Variants in YAP1 observed in about 807,000 individuals in gnomAD.
YAP1 encodes transcriptional coactivator YAP1.
YAP1 carries 5 observed loss-of-function variants against 56.9 expected under a neutral mutation model. The observed-to-expected ratio is 0.09, with a 90% CI of 0.05 to 0.18. The LOEUF is 0.18. YAP1 is among the 10% of genes least tolerant of loss of function. The pLI is 1.00. For synonymous variants in YAP1, 265 were observed against 248.1 expected (o/e 1.07, Z -0.64); for missense variants, 539 against 651.8 (o/e 0.83, Z 1.88).
intron 4 of YAP1, 38 bp from the exon 5 acceptor site, chr11:102,205,855 G>GT: frequency 2.1e-6 from 3 of 1,456,476 alleles, no homozygotes; most frequent in Non-Finnish European, 2.7e-6. Flanking sequence ...TCCTTCACTA[G>GT]TTTTTTAGGA....
chr11:102,185,502 G>A (rs935481967), intron 3 of YAP1, among the ~76,000 whole-genome samples: 2 of 152,092 alleles, frequency 1.3e-5, no homozygotes, highest in Non-Finnish European at 2.9e-5. Context: ...AGTTTTCTTG[G>A]TGTGAGCCAC....
rs1244422364 is a variant in YAP1, at chr11:102,154,748, CCTTA to C, written c.573-7700_573-7697del. ...GTAACCTTTATTTAGCCAAGGGTTC[CCTTA>C]CTTACTTTAAATTACTTTGTTACTT... On this transcript the variant is annotated intron_variant, in intron 2 of 8. Coordinates refer to ENST00000282441, the MANE Select transcript of YAP1 (RefSeq NM_001130145.3). Among the ~76,000 whole-genome samples, 10 of 152,118 alleles carry C rather than the reference CCTTA, an allele frequency of 6.6e-5. No individual in the cohort carries two copies. In the South Asian group the frequency reaches 2.1e-3, roughly 32 times the overall value.
chr11:102,166,935 A>T (rs1432320338), intron 3 of YAP1, among the ~76,000 whole-genome samples: 1 of 152,238 alleles, frequency 6.6e-6, no homozygotes, highest in Non-Finnish European at 1.5e-5. Flanking sequence ...ATGGTTGACT[A>T]GGATGAAAGA....
In YAP1 at chr11:102,227,646, ATAAGGTATTG is replaced by A. The variant is rs1446372018; in HGVS notation, c.1276+70_1276+79del. On this transcript the variant is annotated intron_variant, in intron 8 of 8. Coordinates refer to ENST00000282441, the MANE Select transcript of YAP1 (RefSeq NM_001130145.3). ...GTGGGATATGTTATCACCAGGTCTC[ATAAGGTATTG>A]TAAGCAAAGATGATTCAGAAGAAAA... 4 of 1,090,760 alleles carry A rather than the reference ATAAGGTATTG, an allele frequency of 3.7e-6. No homozygotes were observed. In the African/African-American group the frequency reaches 6.2e-5, roughly 17 times the overall value. 67.6% of individuals were successfully genotyped at this position (1,090,760 alleles called of 1,614,324 possible).
At chr11:102,181,105 C>T (rs1274778008) in intron 3 of YAP1, among the ~76,000 whole-genome samples, 1 of 151,632 alleles carries the variant, frequency 6.6e-6, no homozygotes, top group Non-Finnish European at 1.5e-5. Context: ...CGGGATTGCA[C>T]CACTGCACTC....
intron 6 of YAP1, among the ~76,000 whole-genome samples, chr11:102,217,355 T>A (rs183669605): frequency 3.8e-4 from 58 of 152,370 alleles, no homozygotes; most frequent in African/African-American, 1.3e-3. Flanking sequence ...TTTTTAAGGT[T>A]TTTTTAAATT....
intron 3 of YAP1, 136 bp downstream of exon 3, chr11:102,162,707 A>G: frequency 2.5e-6 from 2 of 809,800 alleles, no homozygotes; most frequent in Admixed American, 4.4e-5. Context: ...TTCATACAGA[A>G]GACATAGTCT....
intron 3 of YAP1, among the ~76,000 whole-genome samples, chr11:102,174,871 T>C (rs1947145495): frequency 6.6e-6 from 1 of 152,170 alleles, no homozygotes; most frequent in African/African-American, 2.4e-5. Flanking sequence ...GGCACCAGTA[T>C]GCTGGTGCAT....
chr11:102,113,510 C>T (rs1943093895), intron 1 of YAP1, among the ~76,000 whole-genome samples: 1 of 152,112 alleles, frequency 6.6e-6, no homozygotes, highest in Admixed American at 6.5e-5. Context: ...ACATCTTTAT[C>T]TTCTACATAC....
chr11:102,145,077 A>T (rs1273082563), intron 2 of YAP1, among the ~76,000 whole-genome samples: 3 of 152,204 alleles, frequency 2.0e-5, no homozygotes, highest in Non-Finnish European at 4.4e-5. Context: ...TAAGGCTGTC[A>T]TTTAATGCCT....
At chr11:102,119,157 T>G (rs1198669772) in intron 2 of YAP1, among the ~76,000 whole-genome samples, 1 of 151,910 alleles carries the variant, frequency 6.6e-6, no homozygotes, top group Non-Finnish European at 1.5e-5. Flanking sequence ...GAGAGCTTAC[T>G]TCTGCTCAGT....
intron 2 of YAP1, among the ~76,000 whole-genome samples, chr11:102,115,578 A>G (rs1943229537): frequency 6.7e-6 from 1 of 150,352 alleles, no homozygotes; most frequent in African/African-American, 2.4e-5. Flanking sequence ...CCTTTCCTGC[A>G]ACTTTTTCTT....
At chr11:102,196,527 C>T (rs1331451626) in intron 4 of YAP1, among the ~76,000 whole-genome samples, 1 of 151,780 alleles carries the variant, frequency 6.6e-6, no homozygotes, top group African/African-American at 2.4e-5. Context: ...TTCATAGAGA[C>T]AGAAGTAGAT....
At chr11:102,195,292 T>C (rs1460780662) in intron 4 of YAP1, among the ~76,000 whole-genome samples, 1 of 152,232 alleles carries the variant, frequency 6.6e-6, no homozygotes, top group East Asian at 1.9e-4. Context: ...TTGTTTTCTT[T>C]TAGCTCCATT....
rs367960671 is a variant in YAP1 at position 102,114,266 on chromosome 11, C to T, written c.444C>T (p.Val148=). 1 of 1,614,172 alleles carries T rather than the reference C, an allele frequency of 6.2e-7. No homozygotes were observed. Among genetic ancestry groups the T allele is most frequent in the Non-Finnish European group, 8.5e-7 (1 of 1,180,020 alleles). ...SPGTLTPTGV[V]SGPAATPTAQ... ...GGACACTGACCCCCACTGGAGTAGT[C>T]TCTGGCCCAGCAGCTACACCCACAG... The change falls in exon 2 of 9, where the codon GTC becomes GTT. Residue 148 remains valine (V), a synonymous_variant. Transcript: ENST00000282441.
At chr11:102,133,762 G>C (rs75119218) in intron 2 of YAP1, among the ~76,000 whole-genome samples, 1 of 152,106 alleles carries the variant, frequency 6.6e-6, no homozygotes, top group Non-Finnish European at 1.5e-5. Flanking sequence ...GGTCATTTAC[G>C]GTTACTAGTT....
At chr11:102,139,981 A>G (rs1359097157) in intron 2 of YAP1, among the ~76,000 whole-genome samples, 1 of 152,226 alleles carries the variant, frequency 6.6e-6, no homozygotes, top group Non-Finnish European at 1.5e-5. Flanking sequence ...ATTTGGTATC[A>G]GCAAATGATG....
intron 6 of YAP1, among the ~76,000 whole-genome samples, chr11:102,215,967 G>C (rs914345280): frequency 1.3e-5 from 2 of 152,104 alleles, no homozygotes; most frequent in African/African-American, 4.8e-5. Context: ...GTTCAGTCTA[G>C]CCAAAAAACA....
At chr11:102,218,510 G>A (rs537019308) in intron 6 of YAP1, among the ~76,000 whole-genome samples, 2 of 152,190 alleles carry the variant, frequency 1.3e-5, no homozygotes, top group South Asian at 4.2e-4. Flanking sequence ...ATCCATACTT[G>A]GTTGCCTTAC....
Sources: allele counts gnomAD v4.1 joint callset (sites outside exome capture counted in the v4.1 genomes callset), GRCh38; gene constraint gnomAD v4.1.1; transcripts MANE v1.5; gene names NCBI Gene and HGNC (gene_info 2026-07-23, HGNC 2026-07-21).